PTBP2: variants seen among roughly 807,000 people sequenced by gnomAD.
PTBP2 encodes polypyrimidine tract binding protein 2.
A neutral mutation model predicts 61.4 loss-of-function variants in PTBP2; 13 were observed. The ratio of observed to expected loss-of-function variants is 0.21; its 90% CI spans 0.14 to 0.34. The LOEUF (loss-of-function observed/expected upper bound fraction) is 0.34. Among genes scored for constraint, PTBP2 ranks in the 10% least tolerant of loss-of-function variants. The pLI, the probability that PTBP2 is intolerant of heterozygous loss-of-function variation, is 1.00. For missense variants in PTBP2, 405 were observed against 642.6 expected (o/e 0.63, Z 4.00); for synonymous variants, 215 against 218.5 (o/e 0.98, Z 0.14).
intron 2 of PTBP2, among the ~76,000 whole-genome samples, chr1:96,730,289 T>C (rs990156211): frequency 6.6e-6 from 1 of 152,206 alleles, no homozygotes; most frequent in Non-Finnish European, 1.5e-5. Context: ...TTAGTTAACA[T>C]TGAAGTTAAT....
At chr1:96,772,710 A>G (rs1401029415) in intron 5 of PTBP2, among the ~76,000 whole-genome samples, 1 of 152,216 alleles carries the variant, frequency 6.6e-6, no homozygotes, top group Non-Finnish European at 1.5e-5. Flanking sequence ...TAGCACACAC[A>G]GTGTCCTCTT....
At chr1:96,807,907 A>C (rs1661656584) in intron 11 of PTBP2, among the ~76,000 whole-genome samples, 1 of 152,188 alleles carries the variant, frequency 6.6e-6, no homozygotes, top group African/African-American at 2.4e-5. Context: ...TTATGTCAAG[A>C]TACTTAGTAC....
Position 96,806,872 on chromosome 1 carries a change from A to G in PTBP2, c.1085A>G (p.Tyr362Cys). Residue 362 changes from tyrosine to cysteine, a missense_variant, in exon 11 of 14, where the codon TAT (tyrosine) becomes TGT (cysteine). By Grantham distance (194) the Tyr-to-Cys change is radical. Transcript: ENST00000674951. Reference sequence around the variant, plus strand: ...CTCTGTGGCTCCAAAAAAGGTGTTTATGGAGATGTGCAGCGTGTGAAGATT... The same window carrying G: ...CTCTGTGGCTCCAAAAAAGGTGTTTGTGGAGATGTGCAGCGTGTGAAGATT... ...PQSLFTLFGV[Y>C]GDVQRVKILY... is the part of the protein sequence containing the mutation. The G allele has an allele frequency of 6.2e-7, 1 of 1,609,022 alleles. No individual in the cohort carries two copies. Among genetic ancestry groups the G allele is most frequent in the Non-Finnish European group, 8.5e-7 (1 of 1,178,522 alleles).
intron 2 of PTBP2, among the ~76,000 whole-genome samples, chr1:96,737,666 AG>A (rs1652421298): frequency 6.6e-6 from 1 of 152,202 alleles, no homozygotes; most frequent in African/African-American, 2.4e-5. Flanking sequence ...TGAGGAAGTA[AG>A]TAATTTTTTG....
At chr1:96,744,648 T>A (rs1392333196) in intron 2 of PTBP2, among the ~76,000 whole-genome samples, 1 of 152,168 alleles carries the variant, frequency 6.6e-6, no homozygotes, top group East Asian at 1.9e-4. Flanking sequence ...CATCTTATCT[T>A]TCTTGTAGGT....
intron 7 of PTBP2, among the ~76,000 whole-genome samples, chr1:96,784,314 A>G (rs891295981): frequency 1.3e-5 from 2 of 152,086 alleles, no homozygotes; most frequent in East Asian, 1.9e-4. Context: ...TTGAAGAAGC[A>G]TGACAGCCAT....
At chr1:96,795,727 G>A (rs1660315148) in intron 8 of PTBP2, among the ~76,000 whole-genome samples, 1 of 152,156 alleles carries the variant, frequency 6.6e-6, no homozygotes, top group Non-Finnish European at 1.5e-5. Flanking sequence ...AGTATGCACT[G>A]TACTCTTTGA....
intron 2 of PTBP2, among the ~76,000 whole-genome samples, chr1:96,742,805 C>T (rs1653213422): frequency 6.6e-6 from 1 of 151,864 alleles, no homozygotes; most frequent in Non-Finnish European, 1.5e-5. Flanking sequence ...CAGATCATTT[C>T]ATATAATCTG....
intron 2 of PTBP2, among the ~76,000 whole-genome samples, chr1:96,731,524 C>G (rs1188295245): frequency 6.6e-6 from 1 of 151,892 alleles, no homozygotes; most frequent in East Asian, 1.9e-4. Flanking sequence ...TGTTTAAAGT[C>G]CATTTGATGT....
chr1:96,730,394 G>T (rs1283133408), intron 2 of PTBP2, among the ~76,000 whole-genome samples: 2 of 151,966 alleles, frequency 1.3e-5, no homozygotes, highest in Non-Finnish European at 2.9e-5. Flanking sequence ...ATTTTGACAC[G>T]TATATTTTTA....
intron 8 of PTBP2, among the ~76,000 whole-genome samples, chr1:96,792,387 C>T (rs549858627): frequency 6.6e-6 from 1 of 152,224 alleles, no homozygotes; most frequent in East Asian, 1.9e-4. Flanking sequence ...GAACAGTTTG[C>T]CCAGATTCCT....
intron 8 of PTBP2, among the ~76,000 whole-genome samples, chr1:96,788,216 T>C (rs760092422): frequency 2.2e-4 from 33 of 152,256 alleles, no homozygotes; most frequent in Non-Finnish European, 4.1e-4. Context: ...GTAATTCTTA[T>C]AAAATGCATA....
At chr1:96,805,028 C>T (rs1571016042) in intron 9 of PTBP2, 89 bp downstream of exon 9, 1 of 1,073,456 alleles carries the variant, frequency 9.3e-7, no homozygotes, top group Non-Finnish European at 1.3e-6. Context: ...ACTTGCCTTT[C>T]TTTTTATGTA....
chr1:96,797,853 A>C (rs1176350135), intron 8 of PTBP2, among the ~76,000 whole-genome samples: 1 of 152,146 alleles, frequency 6.6e-6, no homozygotes, highest in Admixed American at 6.6e-5. Flanking sequence ...TTTACCCCCA[A>C]ATATTTTTGA....
chr1:96,771,050 G>A, intron 5 of PTBP2, 199 bp downstream of exon 5: 1 of 409,278 alleles, frequency 2.4e-6, no homozygotes, highest in Non-Finnish European at 4.2e-6. Flanking sequence ...CTGGTCAAAT[G>A]TTCTTTTTCT....
At chr1:96,740,769 GTTAT>G (rs1334901318) in intron 2 of PTBP2, among the ~76,000 whole-genome samples, 2 of 151,622 alleles carry the variant, frequency 1.3e-5, no homozygotes, top group African/African-American at 4.8e-5. Context: ...CTTGTTCAGT[GTTAT>G]TTTTGTTAAG....
chr1:96,818,978 T>C (rs184423497), downstream of PTBP2: 1 of 152,156 alleles, frequency 6.6e-6, no homozygotes, highest in Admixed American at 6.5e-5. Flanking sequence ...TATTCATAAA[T>C]TTAAACTATT....
At chr1:96,767,250 T>C (rs1656837179) in intron 3 of PTBP2, among the ~76,000 whole-genome samples, 1 of 152,160 alleles carries the variant, frequency 6.6e-6, no homozygotes, top group Admixed American at 6.5e-5. Context: ...AAATAAATTA[T>C]TTAATTTCCT....
exon 14 of PTBP2, chr1:96,823,037 TGCACCCTCCGCCTC>T (rs1217397263): frequency 6.6e-6 from 1 of 152,136 alleles, no homozygotes; most frequent in Non-Finnish European, 1.5e-5. Context: ...CTCTGCTCAC[TGCACCCTCCGCCTC>T]CCGGGTTCAA....
Sources: allele counts gnomAD v4.1 joint callset (sites outside exome capture counted in the v4.1 genomes callset), GRCh38; gene constraint gnomAD v4.1.1; transcripts MANE v1.5; gene names NCBI Gene and HGNC (gene_info 2026-07-23, HGNC 2026-07-21).